ALKBH3: variants seen among roughly 807,000 people sequenced by gnomAD.
The protein encoded by ALKBH3 is alkB homolog 3, alpha-ketoglutarate dependent dioxygenase.
ALKBH3 carries 51 observed loss-of-function variants against 43.9 expected under a neutral mutation model. The observed-to-expected ratio is 1.16, with a 90% CI of 0.93 to 1.47. ALKBH3 has a LOEUF of 1.47. Ranked by LOEUF, ALKBH3 falls within the 40% of genes most tolerant of loss-of-function variation. ALKBH3 has a pLI of 0.00. For synonymous variants in ALKBH3, 102 were observed against 115.2 expected, an observed-to-expected ratio of 0.89 and a Z score of 0.73; for missense variants, 361 against 351.9, an observed-to-expected ratio of 1.03 and a Z score of -0.21.
intron 7 of ALKBH3, among the ~76,000 whole-genome samples, chr11:43,900,922 C>A (rs1298188720): frequency 6.6e-6 from 1 of 152,176 alleles, no homozygotes; most frequent in African/African-American, 2.4e-5. Context: ...AAGAGCATAT[C>A]ATGATTCTCA....
At chr11:43,909,364 A>G (rs1236097622) in intron 8 of ALKBH3, 2 of 152,194 alleles carry the variant, frequency 1.3e-5, no homozygotes, top group African/African-American at 4.8e-5. Context: ...GATTTTAAAA[A>G]TATTTTACCA....
chr11:43,884,922 T>C (rs1951737139), intron 4 of ALKBH3, among the ~76,000 whole-genome samples: 1 of 151,944 alleles, frequency 6.6e-6, no homozygotes. Flanking sequence ...TTGCTCCTTT[T>C]TTAAAAAATT....
chr11:43,886,616 G>T lies in ALKBH3; in HGVS notation c.229G>T (p.Val77Leu). 6.2e-7 allele frequency: 1 copy of T among 1,614,134 alleles called. No homozygotes were observed. ...CCTTTGTTTCTTTAGCAGAGAGGGT[G>T]TGTATGAAATCAGCCTGTCACCCAC... The part of the protein sequence containing the change: ...PEPRVIDREG[V>L]YEISLSPTGV... The change falls in exon 5 of 10, where the codon GTG becomes TTG. Residue 77 changes from valine (V) to leucine (L), a missense_variant. Val to Leu is a conservative substitution (Grantham distance 32). Transcript: ENST00000302708.
intron 7 of ALKBH3, among the ~76,000 whole-genome samples, chr11:43,896,042 T>A (rs1393240481): frequency 6.6e-6 from 1 of 152,198 alleles, no homozygotes; most frequent in Non-Finnish European, 1.5e-5. Context: ...GTGGATTGTT[T>A]TTGCTTAAAA....
At chr11:43,889,699 G>T (rs1951769987) in intron 5 of ALKBH3, 26 bp from the exon 6 acceptor site, 1 of 1,596,528 alleles carries the variant, frequency 6.3e-7, no homozygotes, top group Admixed American at 1.7e-5. Context: ...ATGTTTTTTG[G>T]TTAACAATGT....
intron 4 of ALKBH3, 49 bp from the exon 5 acceptor site, chr11:43,886,557 C>T: frequency 6.3e-7 from 1 of 1,578,550 alleles, no homozygotes; most frequent in Non-Finnish European, 8.7e-7. Flanking sequence ...CTGGGTATAG[C>T]ATATTGTTTT....
intron 7 of ALKBH3, among the ~76,000 whole-genome samples, chr11:43,893,651 G>A (rs1177107652): frequency 6.6e-6 from 1 of 151,998 alleles, no homozygotes; most frequent in African/African-American, 2.4e-5. Flanking sequence ...CAATAAAATA[G>A]TCCAGGTGTG....
intron 5 of ALKBH3, among the ~76,000 whole-genome samples, chr11:43,889,009 G>A (rs1274478183): frequency 6.6e-6 from 1 of 152,192 alleles, no homozygotes; most frequent in Non-Finnish European, 1.5e-5. Context: ...AACAGGGCCA[G>A]GCATTTTATT....
At chr11:43,904,274 AT>A (rs1368947332) in intron 8 of ALKBH3, among the ~76,000 whole-genome samples, 4 of 152,254 alleles carry the variant, frequency 2.6e-5, no homozygotes, top group Non-Finnish European at 5.9e-5. Flanking sequence ...TTTGCCTGAG[AT>A]TTTAACAAAG....
intron 7 of ALKBH3, among the ~76,000 whole-genome samples, chr11:43,894,619 C>T (rs1951805832): frequency 6.6e-6 from 1 of 152,192 alleles, no homozygotes; most frequent in African/African-American, 2.4e-5. Flanking sequence ...CTGAGCAAGT[C>T]AGGGAAGTGC....
At chr11:43,896,257 AATAGG>A (rs1951817630) in intron 7 of ALKBH3, among the ~76,000 whole-genome samples, 1 of 148,532 alleles carries the variant, frequency 6.7e-6, no homozygotes, top group African/African-American at 2.5e-5. Context: ...GGACAGAACT[AATAGG>A]ATAGATACAC....
At chr11:43,899,284 G>T (rs879679745) in intron 7 of ALKBH3, 2 of 710,688 alleles carry the variant, frequency 2.8e-6, no homozygotes, top group African/African-American at 1.8e-5. Flanking sequence ...TGCAGGGCTC[G>T]CATGTGACCA....
At chr11:43,906,778 ACT>A (rs1951899071) in intron 8 of ALKBH3, among the ~76,000 whole-genome samples, 1 of 152,236 alleles carries the variant, frequency 6.6e-6, no homozygotes, top group South Asian at 2.1e-4. Flanking sequence ...ATTTAAAAAC[ACT>A]TTCTAATGAA....
rs1467049644 is a variant in ALKBH3 at position 43,919,090 on chromosome 11, A to C, written c.722A>C (p.His241Pro). Residue 241 changes from histidine (H) to proline (P), a missense_variant, in exon 9 of 10, where the codon CAT becomes CCT. By Grantham distance (77) the His-to-Pro change is moderately conservative. Coordinates refer to ENST00000302708, the MANE Select transcript of ALKBH3 (RefSeq NM_139178.4). ...YVERVKIPLD[H>P]GTLLIMEGAT... ...GAAAGAGTGAAGATACCCTTGGATC[A>C]TGGGACCTTGTTAATCATGGAAGGA... 4 of 1,613,432 alleles carry C rather than the reference A, an allele frequency of 2.5e-6. No individual in the cohort carries two copies. The highest frequency in any genetic ancestry group is 1.6e-4 in the Middle Eastern group (1 of 6,080).
chr11:43,897,036 G>A (rs1270409435), intron 7 of ALKBH3, among the ~76,000 whole-genome samples: 1 of 151,940 alleles, frequency 6.6e-6, no homozygotes, highest in African/African-American at 2.4e-5. Flanking sequence ...TGAACTCCTG[G>A]GCTCAAGCGA....
intron 5 of ALKBH3, among the ~76,000 whole-genome samples, chr11:43,887,878 T>C (rs1458376270): frequency 6.6e-6 from 1 of 151,878 alleles, no homozygotes; most frequent in Middle Eastern, 3.2e-3. Flanking sequence ...AAGCTCCGCC[T>C]CCAGGGTTCA....
intron 7 of ALKBH3, among the ~76,000 whole-genome samples, chr11:43,900,483 A>G (rs1951855352): frequency 6.6e-6 from 1 of 152,042 alleles, no homozygotes; most frequent in Non-Finnish European, 1.5e-5. Context: ...CGGCCTCCCA[A>G]AGTACTGGGA....
At chr11:43,898,986 A>ACCAT in intron 7 of ALKBH3, 1 of 754,066 alleles carries the variant, frequency 1.3e-6, no homozygotes, top group Non-Finnish European at 2.5e-6. Flanking sequence ...CAAGCTCTGG[A>ACCAT]CTGAGACCAT....
chr11:43,907,621 A>G (rs193274955), intron 8 of ALKBH3, among the ~76,000 whole-genome samples: 1 of 152,010 alleles, frequency 6.6e-6, no homozygotes, highest in Non-Finnish European at 1.5e-5. Context: ...GATTTTTTTC[A>G]TCTTTCACAA....
Sources: allele counts gnomAD v4.1 joint callset (sites outside exome capture counted in the v4.1 genomes callset), GRCh38; gene constraint gnomAD v4.1.1; transcripts MANE v1.5; gene names NCBI Gene and HGNC (gene_info 2026-07-23, HGNC 2026-07-21).